The following KCNIP4 variants were observed in gnomAD, a reference collection of about 807,000 sequenced individuals.
The protein encoded by KCNIP4 is potassium voltage-gated channel interacting protein 4, also known as Kv channel-interacting protein 4.
Under a neutral mutation model 34.0 loss-of-function variants are expected in KCNIP4, and 12 were observed. The ratio of observed to expected loss-of-function variants is 0.35; its 90% confidence interval spans 0.23 to 0.57. The LOEUF (loss-of-function observed/expected upper bound fraction) is 0.57. KCNIP4 is among the 20% of genes least tolerant of loss of function. The pLI, the probability that KCNIP4 is intolerant of heterozygous loss-of-function variation, is 0.83. For missense variants in KCNIP4, 238 were observed against 311.7 expected, an observed-to-expected ratio of 0.76 and a Z score of 1.78; for synonymous variants, 124 against 102.2, an observed-to-expected ratio of 1.21 and a Z score of -1.29.
intron 1 of KCNIP4, among the ~76,000 whole-genome samples, chr4:21,384,031 G>A (rs561876476): frequency 6.6e-6 from 1 of 152,184 alleles, no homozygotes; most frequent in Non-Finnish European, 1.5e-5. Context: ...GGCCACAAGA[G>A]CACGCCGAGC....
At chr4:21,351,832 G>C (rs1560317200) in intron 1 of KCNIP4, among the ~76,000 whole-genome samples, 1 of 152,100 alleles carries the variant, frequency 6.6e-6, no homozygotes, top group Non-Finnish European at 1.5e-5. Flanking sequence ...CTAAATTTTG[G>C]ACTTCCAGCC....
At chr4:21,611,326 AAGAAG>A (rs1169534286) in intron 1 of KCNIP4, among the ~76,000 whole-genome samples, 1 of 152,098 alleles carries the variant, frequency 6.6e-6, no homozygotes, top group Non-Finnish European at 1.5e-5. Context: ...TGAGAGAGAG[AAGAAG>A]AGGAGTGAAG....
At chr4:21,380,465 GA>G (rs1721395540) in intron 1 of KCNIP4, among the ~76,000 whole-genome samples, 2 of 147,928 alleles carry the variant, frequency 1.4e-5, no homozygotes, top group African/African-American at 5.0e-5. Context: ...GGGGGAGAGA[GA>G]GAGAGAGAGG....
intron 1 of KCNIP4, among the ~76,000 whole-genome samples, chr4:21,576,176 T>C (rs1003829972): frequency 6.6e-6 from 1 of 152,198 alleles, no homozygotes; most frequent in Non-Finnish European, 1.5e-5. Flanking sequence ...TTTCTGCCCA[T>C]AGAAGCCTAA....
intron 1 of KCNIP4, among the ~76,000 whole-genome samples, chr4:21,192,952 C>CTACTACTACTAATAA (rs757200407): frequency 6.9e-6 from 1 of 145,100 alleles, no homozygotes; most frequent in African/African-American, 2.6e-5. Context: ...ACTACTACTA[C>CTACTACTACTAATAA]TAATAATAAT....
intron 1 of KCNIP4, among the ~76,000 whole-genome samples, chr4:21,022,281 T>G (rs1019060133): frequency 6.6e-6 from 1 of 152,220 alleles, no homozygotes; most frequent in African/African-American, 2.4e-5. Flanking sequence ...ACCTCACAAT[T>G]CATAAAATCA....
chr4:21,326,450 A>T (rs759064088), intron 1 of KCNIP4, among the ~76,000 whole-genome samples: 7 of 142,188 alleles, frequency 4.9e-5, no homozygotes, highest in Non-Finnish European at 7.7e-5. Context: ...TTTGCATAAA[A>T]CATCTTTTTT....
rs115086908 is a variant in KCNIP4 at position 21,362,703 on chromosome 4, G to A, written c.62-479994C>T. On this transcript the variant is annotated intron_variant, in intron 1 of 8. Transcript: ENST00000382152. ...TCTCAGGAGTACAGCCAGGTAGACAGTCACATCCTTCTGTGGAAGTGATAC... is the reference window on the plus strand; with the variant it reads ...TCTCAGGAGTACAGCCAGGTAGACAATCACATCCTTCTGTGGAAGTGATAC... Among the ~76,000 whole-genome samples the A allele has an allele frequency of 8.2e-3, 1,241 of 152,254 alleles. 17 individuals are homozygous for A. Among genetic ancestry groups the A allele is most frequent in the African/African-American group, 0.028 (1,182 of 41,544 alleles).
chr4:21,308,856 T>G (rs1712799011), intron 1 of KCNIP4, among the ~76,000 whole-genome samples: 1 of 152,106 alleles, frequency 6.6e-6, no homozygotes, highest in African/African-American at 2.4e-5. Context: ...AGAGGCTGTT[T>G]CAGGCGCCCC....
At chr4:20,880,402 G>A (rs1307354601) in intron 2 of KCNIP4, among the ~76,000 whole-genome samples, 4 of 152,162 alleles carry the variant, frequency 2.6e-5, no homozygotes, top group East Asian at 3.9e-4. Context: ...TAAGTCTAGC[G>A]TAGGTTCAGT....
At chr4:21,207,621 CAT>C (rs1756935430) in intron 1 of KCNIP4, among the ~76,000 whole-genome samples, 1 of 152,076 alleles carries the variant, frequency 6.6e-6, no homozygotes, top group Non-Finnish European at 1.5e-5. Context: ...CATCAAAAAA[CAT>C]ATGTCCCTTT....
chr4:21,365,523 AAAAAATAAAGAAAGAAAAG>A (rs781422340), intron 1 of KCNIP4, among the ~76,000 whole-genome samples: 4 of 24,984 alleles, frequency 1.6e-4, no homozygotes, highest in African/African-American at 9.1e-4. Context: ...ATAAATAAAT[AAAAAATAAAGAAAGAAAAG>A]AAAAAGAAAA....
At chr4:21,889,272 A>T (rs1278140650) in intron 1 of KCNIP4, among the ~76,000 whole-genome samples, 1 of 152,120 alleles carries the variant, frequency 6.6e-6, no homozygotes, top group Non-Finnish European at 1.5e-5. Context: ...TCCTTGGGCT[A>T]TGTATATAAT....
chr4:20,830,187 A>G (rs1718248808), intron 3 of KCNIP4, among the ~76,000 whole-genome samples: 1 of 152,170 alleles, frequency 6.6e-6, no homozygotes, highest in Non-Finnish European at 1.5e-5. Flanking sequence ...CAGCATCAGG[A>G]TATTTACTCG....
In KCNIP4 at chr4:21,196,225, C is replaced by A. The variant is rs550467415; in HGVS notation, c.62-313516G>T. Among the ~76,000 whole-genome samples the A allele has an allele frequency of 5.9e-5, 9 of 152,272 alleles. No homozygotes were observed. In the East Asian group the frequency reaches 1.4e-3, roughly 23 times the overall value. On this transcript the variant is annotated intron_variant, in intron 1 of 8. Transcript: ENST00000382152. ...TTTCAATGTTTCCTTCCTGGGATGGCAATAATGGCATGTTTCATTTTAATA... is the reference window on the plus strand; with the variant it reads ...TTTCAATGTTTCCTTCCTGGGATGGAAATAATGGCATGTTTCATTTTAATA...
At chr4:21,871,183 G>A (rs1439193048) in intron 1 of KCNIP4, among the ~76,000 whole-genome samples, 3 of 150,298 alleles carry the variant, frequency 2.0e-5, no homozygotes, top group African/African-American at 7.4e-5. Flanking sequence ...CCATGTTGGT[G>A]TGCTGCACCC....
At chr4:21,010,911 T>C (rs973528371) in intron 1 of KCNIP4, among the ~76,000 whole-genome samples, 1 of 152,110 alleles carries the variant, frequency 6.6e-6, no homozygotes, top group Admixed American at 6.5e-5. Flanking sequence ...ACTTCAAGAG[T>C]TCATGAAACC....
chr4:20,814,916 T>A (rs977665842), intron 3 of KCNIP4, among the ~76,000 whole-genome samples: 1 of 152,196 alleles, frequency 6.6e-6, no homozygotes, highest in Non-Finnish European at 1.5e-5. Context: ...TAATTTTGGA[T>A]CCTGCTGTCT....
At chr4:20,747,786 C>T (rs561909528) in intron 5 of KCNIP4, among the ~76,000 whole-genome samples, 2 of 152,122 alleles carry the variant, frequency 1.3e-5, no homozygotes, top group Non-Finnish European at 2.9e-5. Context: ...TGTGAGGAGG[C>T]TCTTGCCTGC....
Sources: gnomAD v4.1 joint callset for allele counts (sites outside exome capture counted in the v4.1 genomes callset) on GRCh38, gnomAD v4.1.1 for gene constraint, MANE v1.5 for transcripts, NCBI Gene and HGNC (gene_info 2026-07-23, HGNC 2026-07-21) for gene names.